The following BIRC6 variants were observed in gnomAD, a reference collection of about 807,000 sequenced individuals.
BIRC6 encodes the protein dual E2 ubiquitin-conjugating enzyme/E3 ubiquitin-protein ligase BIRC6.
A neutral mutation model predicts 503.3 loss-of-function variants in BIRC6; 98 were observed. That is an observed-to-expected ratio of 0.19 (90% CI 0.17 to 0.23). BIRC6 has a LOEUF of 0.23. Ranked by LOEUF, BIRC6 falls within the 10% of genes least tolerant of loss-of-function variation. The pLI, the probability that BIRC6 is intolerant of heterozygous loss-of-function variation, is 1.00. For synonymous variants in BIRC6, 2,240 were observed against 2,078.7 expected (o/e 1.08, Z -2.11); for missense variants, 5,360 against 5,806.0 (o/e 0.92, Z 2.50).
intron 42 of BIRC6, among the ~76,000 whole-genome samples, chr2:32,488,968 G>C (rs113656162): frequency 3.3e-5 from 5 of 152,052 alleles, no homozygotes; most frequent in African/African-American, 1.2e-4. Context: ...ACAATGTTCT[G>C]TTACTCCTTT....
chr2:32,510,104 T>C (rs1572707529), intron 52 of BIRC6, 110 bp downstream of exon 52: 1 of 1,264,418 alleles, frequency 7.9e-7, no homozygotes, highest in East Asian at 2.5e-5. Flanking sequence ...TTTCTTTTAG[T>C]TTATGTTTAT....
intron 66 of BIRC6, among the ~76,000 whole-genome samples, chr2:32,581,742 T>C (rs905513039): frequency 1.2e-4 from 18 of 152,352 alleles, no homozygotes; most frequent in African/African-American, 4.3e-4. Flanking sequence ...TTTTGTTTGT[T>C]AAATGAAACA....
At position 32,597,989 on chromosome 2, in the gene BIRC6, A is replaced by G. The variant is rs774771525; in HGVS notation, c.13830+21A>G. ...TGAAGGTAAAAAATAATGATAATAA[A>G]GCACTCTCCCTTATCTCCTTGGCTC... On this transcript the variant is annotated intron_variant, in intron 69 of 73. Coordinates refer to ENST00000421745, the MANE Select transcript of BIRC6 (RefSeq NM_016252.4). 1.9e-6 allele frequency: 3 copies of G among 1,575,500 alleles called. No individual in the cohort carries two copies. The South Asian group carries it at 3.4e-5, about 18-fold the overall frequency.
rs2060174864 is a variant in BIRC6, at chr2:32,575,095, G to T, written c.13145-61G>T. The T allele has an allele frequency of 4.3e-5, 67 of 1,559,480 alleles. No homozygotes were observed. In the South Asian group the frequency reaches 7.4e-4, roughly 17 times the overall value. On this transcript the variant is annotated intron_variant, in intron 65 of 73. Transcript: ENST00000421745. The stretch of plus-strand genomic sequence containing the variant: ...AGATCCAGGTAAAAGCTACATTCCT[G>T]TGGACCTACTTTTATATTGTACATT...
intron 57 of BIRC6, among the ~76,000 whole-genome samples, chr2:32,520,668 T>G (rs1001946621): frequency 6.6e-6 from 1 of 151,960 alleles, no homozygotes; most frequent in Admixed American, 6.5e-5. Context: ...AATACAAAAA[T>G]TAGTTGGGTA....
chr2:32,454,839 C>T (rs2047065328), intron 23 of BIRC6, among the ~76,000 whole-genome samples: 1 of 152,118 alleles, frequency 6.6e-6, no homozygotes, highest in Non-Finnish European at 1.5e-5. Flanking sequence ...GTGGAGGTAG[C>T]TACTAAGTGA....
At chr2:32,576,596 T>A (rs2060281881) in intron 66 of BIRC6, among the ~76,000 whole-genome samples, 1 of 152,208 alleles carries the variant, frequency 6.6e-6, no homozygotes, top group African/African-American at 2.4e-5. Context: ...ACTTATTTTT[T>A]AAGAACCTAT....
chr2:32,490,296 C>G (rs1374151759), intron 43 of BIRC6, 145 bp downstream of exon 43: 1 of 667,958 alleles, frequency 1.5e-6, no homozygotes, highest in Non-Finnish European at 2.6e-6. Flanking sequence ...GCCTGTAAAC[C>G]CAGCACTTTG....
intron 51 of BIRC6, among the ~76,000 whole-genome samples, chr2:32,508,709 AT>A (rs1558926033): frequency 6.6e-6 from 1 of 152,106 alleles, no homozygotes; most frequent in East Asian, 1.9e-4. Context: ...ACCCAAATAT[AT>A]TTTTTAATCA....
chr2:32,433,951 G>C, intron 13 of BIRC6, 147 bp downstream of exon 13: 1 of 640,678 alleles, frequency 1.6e-6, no homozygotes, highest in Non-Finnish European at 2.5e-6. Context: ...ATTTAAAAAA[G>C]TAATTCAGAG....
In BIRC6 at chr2:32,443,562, C is replaced by A; in HGVS notation, c.4310C>A (p.Ser1437Ter). Residue 1437 changes from serine (S) to a stop codon, truncating the protein, a stop_gained, in exon 20 of 74, where the codon TCA becomes TAA. Transcript: ENST00000421745. LOFTEE classifies it high-confidence loss of function. ...TTGAAGGCTTTACTTGATAATATGTCATTTTTACCTGCAGCAACAACTGGT... is the reference window on the plus strand; with the variant it reads ...TTGAAGGCTTTACTTGATAATATGTAATTTTTACCTGCAGCAACAACTGGT... ...VLLKALLDNM[S>*]FLPAATTGGS... is the part of the protein sequence containing the mutation. The A allele has an allele frequency of 6.2e-7, 1 of 1,606,394 alleles. No homozygotes were observed. The highest frequency in any genetic ancestry group is 8.5e-7 in the Non-Finnish European group (1 of 1,176,120).
At chr2:32,441,658 C>T (rs1321305926) in intron 17 of BIRC6, among the ~76,000 whole-genome samples, 196 bp downstream of exon 17, 1 of 151,972 alleles carries the variant, frequency 6.6e-6, no homozygotes, top group Non-Finnish European at 1.5e-5. Context: ...CCGCACAGTG[C>T]TTGTTGTATA....
chr2:32,431,212 T>TG (rs2044080421), intron 12 of BIRC6, 122 bp downstream of exon 12: 5 of 526,560 alleles, frequency 9.5e-6, no homozygotes, highest in Non-Finnish European at 1.5e-5. Context: ...TTTTTTTTTT[T>TG]TGAGACAGAG....
chr2:32,411,430 AT>A (rs71407450), intron 9 of BIRC6, among the ~76,000 whole-genome samples: 4,637 of 139,010 alleles, frequency 0.033, 134 homozygotes, highest in African/African-American at 0.089. Flanking sequence ...TTATTTTTTT[AT>A]TTTTTTTTTT....
rs375033393 is a variant in BIRC6 at position 32,617,803 on chromosome 2, C to G, written c.14473C>G (p.Pro4825Ala). 5.0e-6 allele frequency: 8 copies of G among 1,613,876 alleles called. No homozygotes were observed. In the African/African-American group the frequency reaches 1.1e-4, roughly 22 times the overall value. Reference protein sequence around the residue: ...EGLDPDTDDAPEVCRATTGAE... With the variant: ...EGLDPDTDDAAEVCRATTGAE... ...CTTGGATCCTGACACTGACGATGCCCCAGAGGTGTGCAGAGCCACAACAGG... is the reference window on the plus strand; with the variant it reads ...CTTGGATCCTGACACTGACGATGCCGCAGAGGTGTGCAGAGCCACAACAGG... Residue 4825 changes from proline (P) to alanine (A), a missense_variant, in exon 74 of 74, where the codon CCA (proline) becomes GCA (alanine). Pro to Ala is a conservative substitution (Grantham distance 27, BLOSUM62 -1). This residue lies in a region of BIRC6 where 140 missense variants were observed against 130.2 expected (regional missense o/e 1.07). Transcript: ENST00000421745.
intron 65 of BIRC6, among the ~76,000 whole-genome samples, chr2:32,562,981 G>T (rs2059300102): frequency 2.0e-5 from 3 of 152,064 alleles, no homozygotes; most frequent in Non-Finnish European, 4.4e-5. Context: ...TGTCTTAATT[G>T]TCGCAGCATT....
intron 65 of BIRC6, chr2:32,565,856 T>C (rs955202764): frequency 2.0e-5 from 3 of 151,942 alleles, no homozygotes; most frequent in African/African-American, 7.3e-5. Context: ...AACCATCATA[T>C]CTCGTGAGAA....
intron 73 of BIRC6, among the ~76,000 whole-genome samples, chr2:32,614,952 AC>A (rs1399352069): frequency 6.6e-6 from 1 of 152,234 alleles, no homozygotes; most frequent in Non-Finnish European, 1.5e-5. Flanking sequence ...GTAATTTATA[AC>A]AAAAAGACAT....
At chr2:32,579,577 T>C (rs550663333) in intron 66 of BIRC6, among the ~76,000 whole-genome samples, 2 of 152,196 alleles carry the variant, frequency 1.3e-5, no homozygotes, top group African/African-American at 4.8e-5. Flanking sequence ...TAGTCCTAGC[T>C]GCTCAGGAGG....
Sources: allele counts gnomAD v4.1 joint callset (sites outside exome capture counted in the v4.1 genomes callset), GRCh38; gene constraint gnomAD v4.1.1; regional missense constraint gnomAD v4.1.1; transcripts MANE v1.5; gene names NCBI Gene and HGNC (gene_info 2026-07-23, HGNC 2026-07-21).